Variants in SYNE2 observed in about 807,000 individuals in gnomAD.
The protein encoded by SYNE2 is nesprin-2.
A neutral mutation model predicts 856.3 loss-of-function variants in SYNE2; 431 were observed. The ratio of observed to expected loss-of-function variants is 0.50; its 90% CI spans 0.47 to 0.55. The LOEUF (loss-of-function observed/expected upper bound fraction) is 0.55. Among genes scored for constraint, SYNE2 ranks in the 20% least tolerant of loss-of-function variants. The probability of loss-of-function intolerance (pLI) is 0.00; values close to 1 mark genes in which losing one functional copy is unlikely to be tolerated. For missense variants in SYNE2, 8,129 were observed against 8,023.2 expected, an observed-to-expected ratio of 1.01 and a Z score of -0.50; for synonymous variants, 2,923 against 2,872.3, an observed-to-expected ratio of 1.02 and a Z score of -0.56.
intron 1 of SYNE2, among the ~76,000 whole-genome samples, chr14:63,841,832 C>CTTTTTTTTTTTTTTTTTTTTTTTTTT (rs34947861): frequency 2.3e-4 from 26 of 115,058 alleles, no homozygotes; most frequent in East Asian, 7.6e-4. Flanking sequence ...TTCTTTCTTT[C>CTTTTTTTTTTTTTTTTTTTTTTTTTT]TTTTTTTTTT....
rs770103633 is a variant in SYNE2 at position 64,049,693 on chromosome 14, G to T, written c.7460G>T (p.Gly2487Val). 6.2e-7 allele frequency: 1 copy of T among 1,614,054 alleles called. No homozygotes were observed. Among genetic ancestry groups the T allele is most frequent in the East Asian group, 2.2e-5 (1 of 44,866 alleles). ...QTECLNKTETGALVLHNIGYS... is the reference protein window; with the variant it reads ...QTECLNKTETVALVLHNIGYS... ...GAATGTCTTAACAAAACAGAAACTG[G>T]GGCCTTGGTTCTCCACAATATAGGA... Residue 2487 changes from glycine to valine, a missense_variant, in exon 47 of 116, where the codon GGG (glycine) becomes GTG (valine). Coordinates refer to ENST00000555002, the MANE Select transcript of SYNE2 (RefSeq NM_182914.3).
intron 94 of SYNE2, 65 bp from the exon 95 acceptor site, chr14:64,174,879 G>T: frequency 6.9e-7 from 1 of 1,442,956 alleles, no homozygotes; most frequent in Non-Finnish European, 9.7e-7. Flanking sequence ...ATATACACAG[G>T]CACACACAAT....
chr14:64,023,018 C>T, intron 38 of SYNE2, 155 bp downstream of exon 38: 1 of 620,482 alleles, frequency 1.6e-6, no homozygotes, highest in Non-Finnish European at 2.9e-6. Flanking sequence ...CACTTGAGCT[C>T]AAGAGTTCGA....
intron 49 of SYNE2, among the ~76,000 whole-genome samples, chr14:64,061,135 T>G (rs146301760): frequency 5.8e-4 from 88 of 152,352 alleles, no homozygotes; most frequent in African/African-American, 1.7e-3. Flanking sequence ...GTTGCTTTTG[T>G]ATGGAGATAG....
At chr14:63,901,567 C>T (rs1182072885) in intron 1 of SYNE2, among the ~76,000 whole-genome samples, 1 of 152,062 alleles carries the variant, frequency 6.6e-6, no homozygotes, top group Admixed American at 6.6e-5. Context: ...GGGAAACTCA[C>T]TAGTGTTTTG....
intron 42 of SYNE2, among the ~76,000 whole-genome samples, chr14:64,027,129 C>G (rs2096986884): frequency 6.6e-6 from 1 of 151,916 alleles, no homozygotes; most frequent in Admixed American, 6.6e-5. Context: ...AAAGCATAAA[C>G]TAGTTAGTTG....
At chr14:64,003,395 A>C (rs1385319653) in intron 30 of SYNE2, 65 bp downstream of exon 30, 1 of 1,595,450 alleles carries the variant, frequency 6.3e-7, no homozygotes, top group Non-Finnish European at 8.6e-7. Context: ...CACTTCTGTT[A>C]GGTGAAAGAA....
Position 63,940,657 on chromosome 14 carries a change from A to G in SYNE2, c.123A>G (p.Ile41Met), listed in dbSNP as rs201327157. The stretch of plus-strand genomic sequence containing the variant: ...AGAAGAAAGCCTTCACGTGCTGGAT[A>G]AACTCACAGTTGGCCAGGGTAAGCA... ...DTQKKAFTCW[I>M]NSQLARHTSP... is the part of the protein sequence containing the mutation. Residue 41 changes from isoleucine (I) to methionine (M), a missense_variant, in exon 3 of 116, where the codon ATA becomes ATG. By Grantham distance (10) the Ile-to-Met change is conservative. Coordinates refer to ENST00000555002, the MANE Select transcript of SYNE2 (RefSeq NM_182914.3). 1 of 1,614,164 alleles carries G rather than the reference A, an allele frequency of 6.2e-7. No homozygotes were observed. The highest frequency in any genetic ancestry group is 8.5e-7 in the Non-Finnish European group (1 of 1,180,004).
In SYNE2 at chr14:64,025,111, T is replaced by A; in HGVS notation, c.5961-19T>A. 3 of 1,614,052 alleles carry A rather than the reference T, an allele frequency of 1.9e-6. No individual in the cohort carries two copies. Among genetic ancestry groups the A allele is most frequent in the Non-Finnish European group, 2.5e-6 (3 of 1,179,972 alleles). On this transcript the variant is annotated intron_variant, in intron 40 of 115. Coordinates refer to ENST00000555002, the MANE Select transcript of SYNE2 (RefSeq NM_182914.3). ...TGTGGTTACTCCTATAAACTTTAAG[T>A]GGTATTTGGAATTTACAGGGAACAG...
intron 53 of SYNE2, 148 bp from the exon 54 acceptor site, chr14:64,075,797 C>CT (rs1227050617): frequency 6.5e-6 from 5 of 770,024 alleles, no homozygotes; most frequent in Non-Finnish European, 1.1e-5. Context: ...GTCTCTGGGG[C>CT]TTAATCAGCT....
chr14:63,942,467 C>T (rs1595775988), intron 6 of SYNE2, among the ~76,000 whole-genome samples: 2 of 151,954 alleles, frequency 1.3e-5, no homozygotes, highest in South Asian at 2.1e-4. Flanking sequence ...TACAGATGCG[C>T]GCCACCATGC....
In SYNE2 at chr14:64,214,454, C is replaced by T; in HGVS notation, c.19317C>T (p.Tyr6439=). 6.2e-7 allele frequency: 1 copy of T among 1,612,938 alleles called. No homozygotes were observed. The highest frequency in any genetic ancestry group is 8.5e-7 in the Non-Finnish European group (1 of 1,179,864). ...SSHEEDEEGP[Y]YSALSDVEIP... ...ACGAAGAGGACGAGGAGGGCCCATA[C>T]TACAGCGCACTGTCAGGTAACAGCT... The change falls in exon 106 of 116, where the codon TAC becomes TAT. Residue 6439 remains tyrosine, a synonymous_variant. Transcript: ENST00000555002.
rs543715273 is a variant in SYNE2 at position 64,122,371 on chromosome 14, C to T, written c.13366C>T (p.His4456Tyr). 5 of 1,614,188 alleles carry T rather than the reference C, an allele frequency of 3.1e-6. No individual in the cohort carries two copies. In the African/African-American group the frequency reaches 5.3e-5, roughly 17 times the overall value. The change falls in exon 70 of 116, where the codon CAT becomes TAT. Residue 4456 changes from histidine to tyrosine, a missense_variant. By Grantham distance (83) the His-to-Tyr change is moderately conservative (BLOSUM62 2). Transcript: ENST00000555002. The part of the protein sequence containing the change: ...GQNGDKWQYL[H>Y]HELSSKIKLP... ...AAATGGAGATAAGTGGCAATATCTG[C>T]ATCATGAACTCTCATCAAAAATAAA...
intron 1 of SYNE2, chr14:63,873,357 G>A (rs2094633484): frequency 6.6e-6 from 1 of 151,850 alleles, no homozygotes; most frequent in South Asian, 2.1e-4. Context: ...GTGAAGGTGT[G>A]GACTCTACAG....
chr14:63,783,875 A>G (rs1315997692), intron 1 of SYNE2, among the ~76,000 whole-genome samples: 1 of 152,192 alleles, frequency 6.6e-6, no homozygotes, highest in Non-Finnish European at 1.5e-5. Flanking sequence ...TTGAACAGGG[A>G]CTGTAGATTC....
chr14:64,099,364 G>A, intron 63 of SYNE2: 1 of 169,382 alleles, frequency 5.9e-6, no homozygotes, highest in South Asian at 1.4e-4. Context: ...GAAGAAAATT[G>A]AAGCAACTTA....
At position 64,220,421 on chromosome 14, in the gene SYNE2, T is replaced by A; in HGVS notation, c.19861-16T>A. On this transcript the variant is annotated splice_polypyrimidine_tract_variant and intron_variant, in intron 110 of 115. Transcript: ENST00000555002. ...ACTTTCAGAGCTCCTAACCTCATCT[T>A]TTCTCTCTCTGGTAGGAGATACTGA... 1 of 1,614,076 alleles carries A rather than the reference T, an allele frequency of 6.2e-7. No individual in the cohort carries two copies. The highest frequency in any genetic ancestry group is 8.5e-7 in the Non-Finnish European group (1 of 1,179,908).
rs117489315 is a variant in SYNE2, at chr14:64,215,540, C to T, written c.19402+186C>T. On this transcript the variant is annotated intron_variant, in intron 107 of 115. Transcript: ENST00000555002. ...CTGCGTGCTCCTTACAAAACCCCATCCAAGCCAGAGCCGTCTCGATGCCAA... is the reference window on the plus strand; with the variant it reads ...CTGCGTGCTCCTTACAAAACCCCATTCAAGCCAGAGCCGTCTCGATGCCAA... 74 of 695,636 alleles carry T rather than the reference C, an allele frequency of 1.1e-4. 1 individual carries two copies. The East Asian group carries it at 1.7e-3, about 16-fold the overall frequency. The allele number at this position is 695,636 out of a possible 1,614,324, so 43.1% of individuals were successfully genotyped here.
chr14:64,018,880 G>A (rs188991563), intron 34 of SYNE2, among the ~76,000 whole-genome samples: 2 of 152,162 alleles, frequency 1.3e-5, no homozygotes, highest in African/African-American at 2.4e-5. Context: ...ACAGTCTCAG[G>A]TTGTGGCATC....
Sources: allele counts gnomAD v4.1 joint callset (sites outside exome capture counted in the v4.1 genomes callset), GRCh38; gene constraint gnomAD v4.1.1; transcripts MANE v1.5; gene names NCBI Gene and HGNC (gene_info 2026-07-23, HGNC 2026-07-21).